The following DCDC1 variants were observed in gnomAD, a reference collection of about 807,000 sequenced individuals.
DCDC1 encodes doublecortin domain-containing protein 1.
A neutral mutation model predicts 178.3 loss-of-function variants in DCDC1; 200 were observed. That is an observed-to-expected ratio of 1.12 (90% confidence interval 1.00 to 1.26). The LOEUF is 1.26. DCDC1 is among the 50% of genes most tolerant of loss of function. The pLI is 0.00. For missense variants in DCDC1, 1,983 were observed against 1,749.2 expected (o/e 1.13, Z -2.38); for synonymous variants, 690 against 604.8 (o/e 1.14, Z -2.07).
chr11:31,233,529 T>G (rs1976081449), intron 9 of DCDC1, among the ~76,000 whole-genome samples: 1 of 152,162 alleles, frequency 6.6e-6, no homozygotes, highest in African/African-American at 2.4e-5. Flanking sequence ...AAAGATAAGG[T>G]TAAATCAGTG....
intron 1 of DCDC1, among the ~76,000 whole-genome samples, chr11:31,346,694 A>T (rs1048360360): frequency 5.9e-5 from 9 of 152,130 alleles, no homozygotes; most frequent in African/African-American, 2.2e-4. Flanking sequence ...TTTTTGTTAG[A>T]CATATAAACC....
rs1378071058 is a variant in DCDC1, at chr11:30,892,934, T to C, written c.4966A>G (p.Ile1656Val). The change falls in exon 36 of 39, where the codon ATA becomes GTA. Residue 1656 changes from isoleucine (I) to valine (V), a missense_variant. By Grantham distance (29) the Ile-to-Val change is conservative. Transcript: ENST00000684477. Reference protein sequence around the residue: ...KINFPIATKRIAVKPSNLYKQ... With the variant: ...KINFPIATKRVAVKPSNLYKQ... ...TACAGGTTGCTCGGCTTGACTGCTA[T>C]ACGTTTGGTTGCAATTGGAAAATTT... 1.9e-6 allele frequency: 3 copies of C among 1,613,994 alleles called. No individual in the cohort carries two copies. In the South Asian group the frequency reaches 3.3e-5, roughly 18 times the overall value.
intron 6 of DCDC1, among the ~76,000 whole-genome samples, chr11:31,301,386 G>A (rs1948105309): frequency 6.6e-6 from 1 of 152,130 alleles, no homozygotes; most frequent in Non-Finnish European, 1.5e-5. Flanking sequence ...TATCTGTTTT[G>A]GCAAGACTAA....
At position 31,333,163 on chromosome 11, in the gene DCDC1, G is replaced by T. The variant is rs569277631; in HGVS notation, c.-7+2284C>A. On this transcript the variant is annotated intron_variant, in intron 2 of 38. Transcript: ENST00000684477. ...GCCTTTTTTGTCTCTTTTGATCTTT[G>T]TTGGTTTAAAGTCTGTTTTATCAGA... 4.6e-5 allele frequency among the ~76,000 whole-genome samples: 7 copies of T among 152,090 alleles called. No individual in the cohort carries two copies. In the South Asian group the frequency reaches 1.5e-3, roughly 32 times the overall value.
At chr11:31,367,126 T>C (rs754402614) in intron 1 of DCDC1, among the ~76,000 whole-genome samples, 12 of 152,050 alleles carry the variant, frequency 7.9e-5, no homozygotes, top group Non-Finnish European at 1.5e-4. Flanking sequence ...TGAAACTCCA[T>C]CTCTACAAAA....
At chr11:31,228,321 C>T (rs1380210763) in intron 9 of DCDC1, among the ~76,000 whole-genome samples, 4 of 151,822 alleles carry the variant, frequency 2.6e-5, no homozygotes, top group Admixed American at 2.6e-4. Flanking sequence ...TTCTAAATAA[C>T]AGATGTGAAA....
chr11:31,311,067 TCTG>T (rs546100038), intron 3 of DCDC1, among the ~76,000 whole-genome samples: 207 of 152,338 alleles, frequency 1.4e-3, no homozygotes, highest in African/African-American at 4.7e-3. Context: ...CCTCATGGCT[TCTG>T]CTAACTTCCT....
At chr11:31,252,331 T>A (rs974458929) in intron 8 of DCDC1, among the ~76,000 whole-genome samples, 8 of 152,140 alleles carry the variant, frequency 5.3e-5, no homozygotes, top group African/African-American at 1.9e-4. Flanking sequence ...GGTAGAAGTT[T>A]AGTAGGAATT....
chr11:31,023,760 C>G (rs1018883807), intron 20 of DCDC1, among the ~76,000 whole-genome samples: 1 of 151,376 alleles, frequency 6.6e-6, no homozygotes, highest in Admixed American at 6.6e-5. Context: ...GGATATTAAC[C>G]GAGAATTCAC....
intron 8 of DCDC1, among the ~76,000 whole-genome samples, chr11:31,247,827 T>A (rs543635938): frequency 5.3e-5 from 8 of 152,192 alleles, no homozygotes; most frequent in African/African-American, 1.9e-4. Flanking sequence ...TCAACAAAAA[T>A]AATAGTGTGT....
intron 20 of DCDC1, among the ~76,000 whole-genome samples, chr11:31,061,451 T>TTG (rs147625273): frequency 1.8e-3 from 264 of 150,606 alleles, no homozygotes; most frequent in Middle Eastern, 3.4e-3. Flanking sequence ...TCATTTTAGA[T>TTG]TGTGTGTGTG....
At chr11:31,135,459 C>A (rs367976740) in intron 10 of DCDC1, among the ~76,000 whole-genome samples, 4 of 152,096 alleles carry the variant, frequency 2.6e-5, no homozygotes, top group African/African-American at 9.7e-5. Flanking sequence ...ACTCACCTGG[C>A]AAGAGAGTTA....
In DCDC1 at chr11:31,077,909, A is replaced by C. The variant is rs150603680; in HGVS notation, c.2254T>G (p.Ser752Ala). 1.3e-3 allele frequency: 1,013 copies of C among 766,240 alleles called. 7 individuals are homozygous for C. In the African/African-American group the frequency reaches 0.016, roughly 12 times the overall value. 47.5% of individuals were successfully genotyped at this position (766,240 alleles called of 1,614,324 possible). ...ILQKRHSGDD[S>A]QKWVFGTDGC... The stretch of plus-strand genomic sequence containing the variant: ...TCAGTTCCAAACACCCACTTCTGAG[A>C]GTCATCTCCACTATGTCTGTAACGA... Residue 752 changes from serine (S) to alanine (A), a missense_variant, in exon 18 of 39, where the codon TCT becomes GCT. Transcript: ENST00000684477.
intron 20 of DCDC1, among the ~76,000 whole-genome samples, chr11:31,029,815 G>C: frequency 6.6e-6 from 1 of 152,106 alleles, no homozygotes; most frequent in Non-Finnish European, 1.5e-5. Context: ...TATTTTAAAA[G>C]AATACATTAT....
chr11:31,269,844 CCA>C, intron 7 of DCDC1, among the ~76,000 whole-genome samples: 1 of 152,316 alleles, frequency 6.6e-6, no homozygotes, highest in East Asian at 1.9e-4. Flanking sequence ...GGAGTCATCT[CCA>C]CATCCAGACA....
chr11:30,919,781 A>G (rs1297385412), intron 25 of DCDC1, among the ~76,000 whole-genome samples: 1 of 152,274 alleles, frequency 6.6e-6, no homozygotes, highest in Non-Finnish European at 1.5e-5. Flanking sequence ...TATATAAATT[A>G]GTTTCACAAT....
intron 1 of DCDC1, among the ~76,000 whole-genome samples, chr11:31,342,489 A>G (rs889166308): frequency 2.0e-5 from 3 of 152,188 alleles, no homozygotes; most frequent in African/African-American, 7.2e-5. Context: ...AAATGTCCTA[A>G]TCTGCATCAA....
chr11:30,867,870 G>A (rs570078529), intron 38 of DCDC1, among the ~76,000 whole-genome samples: 1 of 152,176 alleles, frequency 6.6e-6, no homozygotes, highest in East Asian at 1.9e-4. Context: ...TTTAAAGCTG[G>A]GTGCAACTTT....
intron 20 of DCDC1, among the ~76,000 whole-genome samples, chr11:31,025,857 A>C (rs1953195641): frequency 6.6e-6 from 1 of 151,794 alleles, no homozygotes; most frequent in Non-Finnish European, 1.5e-5. Flanking sequence ...CTGTGTAATA[A>C]TAATACAGCC....
Sources: allele counts gnomAD v4.1 joint callset (sites outside exome capture counted in the v4.1 genomes callset), GRCh38; gene constraint gnomAD v4.1.1; transcripts MANE v1.5; gene names NCBI Gene and HGNC (gene_info 2026-07-23, HGNC 2026-07-21).